The following LIMS2 variants were observed in gnomAD, a reference collection of about 807,000 sequenced individuals.
LIMS2 encodes the protein LIM and senescent cell antigen-like-containing domain protein 2.
In LIMS2, 30 loss-of-function variants were observed where a neutral mutation model predicts 45.3. The ratio of observed to expected loss-of-function variants is 0.66; its 90% CI spans 0.50 to 0.90. The LOEUF is 0.90. Ranked by LOEUF, LIMS2 falls within the 40% of genes least tolerant of loss-of-function variation. The probability of loss-of-function intolerance (pLI) is 0.00; values close to 1 mark genes in which losing one functional copy is unlikely to be tolerated. For missense variants in LIMS2, 485 were observed against 468.7 expected (o/e 1.03, Z -0.32); for synonymous variants, 173 against 188.0 (o/e 0.92, Z 0.65).
At chr2:127,651,429 A>G in intron 4 of LIMS2, 1 of 1,612,946 alleles carries the variant, frequency 6.2e-7, no homozygotes, top group Non-Finnish European at 8.5e-7. Flanking sequence ...CCTCAAGACC[A>G]AGGCAGTGCG....
rs1256175820 is a variant in LIMS2 at position 127,664,491 on chromosome 2, A to C, written c.12-6929T>G. ...CGCGGCCGCCTGGGGCCAGACACCA[A>C]GACGGGACGGGCGTGTGGGCGCCTC... is the stretch of plus-strand genomic sequence containing the variant. On this transcript the variant is annotated intron_variant, in intron 1 of 9. Coordinates refer to ENST00000355119, the MANE Select transcript of LIMS2 (RefSeq NM_001161403.3). The surrounding 1 kb of genome is among the most constrained non-coding windows in gnomAD (Gnocchi z 5.5). 48 of 1,166,822 alleles carry C rather than the reference A, an allele frequency of 4.1e-5. No homozygotes were observed. Among genetic ancestry groups the C allele is most frequent in the Non-Finnish European group, 5.0e-5 (47 of 946,524 alleles). 72.3% of individuals were successfully genotyped at this position (1,166,822 alleles called of 1,614,324 possible). A position where few individuals can be genotyped will look rare whatever the true frequency, so the allele number is the denominator to read the frequency against.
chr2:127,640,474 G>A, intron 7 of LIMS2, 156 bp from the exon 8 acceptor site: 1 of 767,402 alleles, frequency 1.3e-6, no homozygotes, highest in Non-Finnish European at 2.2e-6. Flanking sequence ...TGAGGGCACG[G>A]CAACCCATGA....
intron 4 of LIMS2, 113 bp downstream of exon 4, chr2:127,654,311 C>T (rs1252066387): frequency 9.1e-6 from 13 of 1,429,528 alleles, no homozygotes; most frequent in Non-Finnish European, 1.3e-5. Flanking sequence ...GTGCAGGCTG[C>T]AGCACCGGGA....
In LIMS2 at chr2:127,642,119, A is replaced by T. The variant is rs1374682347; in HGVS notation, c.590T>A (p.Ile197Asn). ...GATGGGCCGGCGGCAGGCCCCGCAG[A>T]TGGGGACGCCCATCTTGTCATGGCA... ...LPCHDKMGVP[I>N]CGACRRPIEG... Residue 197 changes from isoleucine to asparagine, a missense_variant, in exon 6 of 10, where the codon ATC (isoleucine) becomes AAC (asparagine). Ile to Asn is a moderately radical substitution (Grantham distance 149). Transcript: ENST00000355119. This position sits in a 1 kb window ranked among gnomAD's most constrained non-coding sequence, Gnocchi z 5.3. 5.0e-6 allele frequency: 8 copies of T among 1,607,846 alleles called. No homozygotes were observed. The highest frequency in any genetic ancestry group is 5.1e-6 in the Non-Finnish European group (6 of 1,177,188).
intron 4 of LIMS2, among the ~76,000 whole-genome samples, chr2:127,644,464 C>T (rs542383736): frequency 5.4e-4 from 83 of 152,326 alleles, no homozygotes; most frequent in African/African-American, 1.8e-3. Context: ...CCAGCCCCAA[C>T]CCCAGGCCAC....
upstream of LIMS2, among the ~76,000 whole-genome samples, chr2:127,676,171 G>A (rs1685494425): frequency 6.6e-6 from 1 of 152,242 alleles, no homozygotes; most frequent in African/African-American, 2.4e-5. Context: ...CAGCCCAGAT[G>A]TCACACTGAG....
At chr2:127,674,124 GAC>G (rs1306112290) in intron 1 of LIMS2, 2 of 282,702 alleles carry the variant, frequency 7.1e-6, no homozygotes, top group Non-Finnish European at 1.4e-5. Flanking sequence ...TGCAATCCTG[GAC>G]ACTGCCCTGT....
chr2:127,654,942 C>G (rs1367997740), intron 2 of LIMS2, 46 bp from the exon 3 acceptor site: 2 of 1,565,104 alleles, frequency 1.3e-6, no homozygotes, highest in Non-Finnish European at 1.8e-6. Context: ...ACCTATCATC[C>G]CCATGAGCAG....
At position 127,656,824 on chromosome 2, in the gene LIMS2, G is replaced by A. The variant is rs533267081; in HGVS notation, c.171+579C>T. 3.9e-5 allele frequency among the ~76,000 whole-genome samples: 6 copies of A among 152,202 alleles called. No homozygotes were observed. In the South Asian group the frequency reaches 1.2e-3, roughly 32 times the overall value. On this transcript the variant is annotated intron_variant, in intron 2 of 9. Coordinates refer to ENST00000355119, the MANE Select transcript of LIMS2 (RefSeq NM_001161403.3). The stretch of plus-strand genomic sequence containing the variant: ...CCTATGGCTCCGTAGAGGCCCGTGG[G>A]GCCAAGCGAGATCCACCTCCCTTTC...
In LIMS2 at chr2:127,664,682, G is replaced by T; in HGVS notation, c.12-7120C>A. 1.1e-6 allele frequency: 1 copy of T among 948,520 alleles called. No individual in the cohort carries two copies. Among genetic ancestry groups the T allele is most frequent in the Non-Finnish European group, 1.3e-6 (1 of 777,772 alleles). The allele number at this position is 948,520 out of a possible 1,614,324, so 58.8% of individuals were successfully genotyped here. On this transcript the variant is annotated intron_variant, in intron 1 of 9. Transcript: ENST00000355119. The surrounding 1 kb of genome is among the most constrained non-coding windows in gnomAD (Gnocchi z 5.5). ...AGGGGACTGGTCTGGGAAGGCCCCA[G>T]ACAGCACTGAGGTGAGGTCCACAGT...
At chr2:127,666,583 C>T (rs1685012391) in intron 1 of LIMS2, among the ~76,000 whole-genome samples, 1 of 152,182 alleles carries the variant, frequency 6.6e-6, no homozygotes, top group Non-Finnish European at 1.5e-5. Context: ...CCTAGAAGGA[C>T]ACTACCAAAA....
Position 127,642,891 on chromosome 2 carries a change from CCCA to C in LIMS2, c.509+29_509+31del, listed in dbSNP as rs1041410747. 2 of 1,547,452 alleles carry C rather than the reference CCCA, an allele frequency of 1.3e-6. No homozygotes were observed. Among genetic ancestry groups the C allele is most frequent in the African/African-American group, 2.7e-5 (2 of 73,062 alleles). On this transcript the variant is annotated intron_variant, in intron 5 of 9. Coordinates refer to ENST00000355119, the MANE Select transcript of LIMS2 (RefSeq NM_001161403.3). This position sits in a 1 kb window ranked among gnomAD's most constrained non-coding sequence, Gnocchi z 5.3. ...CCTGGGCCAGCCCTGGCTCCCCGCC[CCCA>C]CAACTGCAGGGCCGGGCTGCGCACC...
rs545228027 is a variant in LIMS2, at chr2:127,654,769, C to G, written c.238+61G>C. Reference sequence around the variant, plus strand: ...TTCTGTGTACCCCCTCGGCCCCCTGCCCCCCGCCACTGCTGCCCACTTCCC... The same window carrying G: ...TTCTGTGTACCCCCTCGGCCCCCTGGCCCCCGCCACTGCTGCCCACTTCCC... On this transcript the variant is annotated intron_variant, in intron 3 of 9. Coordinates refer to ENST00000355119, the MANE Select transcript of LIMS2 (RefSeq NM_001161403.3). 3.2e-6 allele frequency: 5 copies of G among 1,565,466 alleles called. No homozygotes were observed. The Admixed American group carries it at 8.4e-5, about 26-fold the overall frequency.
rs1684855608 is a variant in LIMS2, at chr2:127,664,177, C to T, written c.12-6615G>A. On this transcript the variant is annotated intron_variant, in intron 1 of 9. Transcript: ENST00000355119. This position sits in a 1 kb window ranked among gnomAD's most constrained non-coding sequence, Gnocchi z 5.5. ...CGCCCACCCTGTCGCCAACCCAGGGCCCATCCGACGCCGGGGCAGAGCCCA... is the reference window on the plus strand; with the variant it reads ...CGCCCACCCTGTCGCCAACCCAGGGTCCATCCGACGCCGGGGCAGAGCCCA... 3.0e-6 allele frequency: 2 copies of T among 665,246 alleles called. No individual in the cohort carries two copies. The highest frequency in any genetic ancestry group is 4.1e-6 in the Non-Finnish European group (2 of 489,148). The allele number at this position is 665,246 out of a possible 1,614,324, so 41.2% of individuals were successfully genotyped here.
Position 127,639,135 on chromosome 2 carries a change from G to A in LIMS2, c.*146C>T. 1.2e-6 allele frequency: 1 copy of A among 836,368 alleles called. No individual in the cohort carries two copies. The highest frequency in any genetic ancestry group is 1.8e-6 in the Non-Finnish European group (1 of 544,178). The allele number at this position is 836,368 out of a possible 1,614,324, so 51.8% of individuals were successfully genotyped here. A position where few individuals can be genotyped will look rare whatever the true frequency, so the allele number is the denominator to read the frequency against. ...AGAGACATGGGGAAGGCAGAGATGA[G>A]GGAACAGGAAGGGAGAAGGCAATGA... On this transcript the variant is annotated 3_prime_UTR_variant, in exon 10 of 10. Coordinates refer to ENST00000355119, the MANE Select transcript of LIMS2 (RefSeq NM_001161403.3).
At chr2:127,644,046 C>T (rs1335745394) in intron 4 of LIMS2, 1 of 456,396 alleles carries the variant, frequency 2.2e-6, no homozygotes, top group Non-Finnish European at 4.4e-6. Flanking sequence ...ACCCATTCAG[C>T]ATCCCTCCCT....
chr2:127,649,872 G>C (rs567401939), intron 4 of LIMS2: 19 of 705,186 alleles, frequency 2.7e-5, no homozygotes, highest in Non-Finnish European at 4.5e-5. Flanking sequence ...TGTCTCTGAC[G>C]CTGGGTAAAA....
intron 4 of LIMS2, chr2:127,646,248 A>AG (rs1436998914): frequency 6.6e-6 from 1 of 152,228 alleles, no homozygotes; most frequent in Non-Finnish European, 1.5e-5. Context: ...GCTAGAGGTA[A>AG]GGGGCAGGCT....
chr2:127,658,832 C>T lies in LIMS2; in HGVS notation c.12-1270G>A, dbSNP rs572342558. On this transcript the variant is annotated intron_variant, in intron 1 of 9. Coordinates refer to ENST00000355119, the MANE Select transcript of LIMS2 (RefSeq NM_001161403.3). ...GCTGGTAACGTCTGCCTGGTTGCAG[C>T]CGGGTGGTGGCAGGACTCGAGTGCA... is the stretch of plus-strand genomic sequence containing the variant. Among the ~76,000 whole-genome samples the T allele has an allele frequency of 8.5e-5, 13 of 152,288 alleles. 1 individual carries two copies. The highest frequency in any genetic ancestry group is 3.1e-4 in the African/African-American group (13 of 41,560).
Sources: gnomAD v4.1 joint callset for allele counts (sites outside exome capture counted in the v4.1 genomes callset) on GRCh38, gnomAD v4.1.1 for gene constraint, Gnocchi (gnomAD v3.1) non-coding constraint, MANE v1.5 for transcripts, NCBI Gene and HGNC (gene_info 2026-07-23, HGNC 2026-07-21) for gene names.